LASP1: variants seen among roughly 807,000 people sequenced by gnomAD.
LASP1 encodes LIM and SH3 domain protein 1.
Under a neutral mutation model 38.6 loss-of-function variants are expected in LASP1, and 10 were observed. That is an observed-to-expected ratio of 0.26 (90% confidence interval 0.16 to 0.44). The LOEUF (loss-of-function observed/expected upper bound fraction) is 0.44. LASP1 is among the 20% of genes least tolerant of loss of function. LASP1 has a pLI of 1.00. For missense variants in LASP1, 243 were observed against 375.7 expected, an observed-to-expected ratio of 0.65 and a Z score of 2.92; for synonymous variants, 132 against 140.8, an observed-to-expected ratio of 0.94 and a Z score of 0.44.
chr17:38,919,297 T>G lies in LASP1; in HGVS notation c.*519T>G, dbSNP rs901048341. The G allele has an allele frequency of 7.1e-5, 17 of 240,914 alleles. No homozygotes were observed. Among genetic ancestry groups the G allele is most frequent in the Non-Finnish European group, 1.1e-4 (13 of 122,244 alleles). 14.9% of individuals were successfully genotyped at this position (240,914 alleles called of 1,614,324 possible). On this transcript the variant is annotated 3_prime_UTR_variant, in exon 7 of 7. Transcript: ENST00000318008. ...TACCTCTCTTTCTCAAAGAGGGGGCTCTGCCCACCTGGGGTCTCTCTCCCT... is the reference window on the plus strand; with the variant it reads ...TACCTCTCTTTCTCAAAGAGGGGGCGCTGCCCACCTGGGGTCTCTCTCCCT...
At chr17:38,871,370 G>A (rs1197960666) in intron 1 of LASP1, among the ~76,000 whole-genome samples, 7 of 151,880 alleles carry the variant, frequency 4.6e-5, no homozygotes, top group Admixed American at 1.3e-4. Context: ...CAGTCTGGAG[G>A]GGAGGCCTCT....
chr17:38,900,141 T>C (rs1914597797), intron 4 of LASP1, among the ~76,000 whole-genome samples: 1 of 144,656 alleles, frequency 6.9e-6, no homozygotes, highest in Non-Finnish European at 1.5e-5. Context: ...GGTGGGAGGA[T>C]TGCTTGAGCC....
Position 38,889,345 on chromosome 17 carries a change from T to C in LASP1, c.165-1075T>C, listed in dbSNP as rs148841235. 8.7e-4 allele frequency among the ~76,000 whole-genome samples: 133 copies of C among 152,290 alleles called. 1 individual carries two copies. In the East Asian group the frequency reaches 0.023, roughly 27 times the overall value. Reference sequence around the variant, plus strand: ...CGGGGTTTCAGCATATTGACCAGGCTAGTCTTGAACTCCTGACCTCGTGAT... The same window carrying C: ...CGGGGTTTCAGCATATTGACCAGGCCAGTCTTGAACTCCTGACCTCGTGAT... On this transcript the variant is annotated intron_variant, in intron 2 of 6. Coordinates refer to ENST00000318008, the MANE Select transcript of LASP1 (RefSeq NM_006148.4).
At chr17:38,876,339 C>T (rs957966989) in intron 1 of LASP1, among the ~76,000 whole-genome samples, 3 of 149,934 alleles carry the variant, frequency 2.0e-5, no homozygotes, top group South Asian at 2.1e-4. Flanking sequence ...CCACCATACC[C>T]GGCCTATTTA....
chr17:38,914,199 C>T (rs1186401563), intron 4 of LASP1, 126 bp from the exon 5 acceptor site: 6 of 1,136,848 alleles, frequency 5.3e-6, no homozygotes, highest in South Asian at 1.5e-5. Flanking sequence ...GCTTCCAGAG[C>T]GAGACCTGGC....
intron 2 of LASP1, among the ~76,000 whole-genome samples, chr17:38,888,037 G>A (rs1484904659): frequency 3.3e-5 from 5 of 152,272 alleles, no homozygotes; most frequent in Admixed American, 2.6e-4. Flanking sequence ...GCTGTGGTGG[G>A]CTGTGGTCAC....
chr17:38,882,085 G>C (rs764504979), intron 2 of LASP1, among the ~76,000 whole-genome samples: 1 of 152,166 alleles, frequency 6.6e-6, no homozygotes, highest in Non-Finnish European at 1.5e-5. Context: ...CACCCACGCC[G>C]GTGCTGGGGC....
chr17:38,878,757 C>A (rs146816467), intron 2 of LASP1, among the ~76,000 whole-genome samples: 18 of 152,142 alleles, frequency 1.2e-4, no homozygotes, highest in Non-Finnish European at 2.9e-5. Context: ...TGAGAATGGG[C>A]AGGGGTGCAT....
chr17:38,878,975 C>T (rs888461449), intron 2 of LASP1, among the ~76,000 whole-genome samples: 1 of 151,106 alleles, frequency 6.6e-6, no homozygotes, highest in Non-Finnish European at 1.5e-5. Context: ...CCCATCCCAT[C>T]CCATCCCATC....
chr17:38,912,772 G>A (rs1165192168), intron 4 of LASP1, among the ~76,000 whole-genome samples: 1 of 152,226 alleles, frequency 6.6e-6, no homozygotes, highest in East Asian at 1.9e-4. Flanking sequence ...ATGGGACTCA[G>A]CCTGAAGAAG....
intron 4 of LASP1, among the ~76,000 whole-genome samples, chr17:38,900,792 A>G (rs1914621551): frequency 6.6e-6 from 1 of 152,228 alleles, no homozygotes; most frequent in Non-Finnish European, 1.5e-5. Context: ...TTTGGCTAGC[A>G]GGGGATGCCT....
intron 6 of LASP1, among the ~76,000 whole-genome samples, chr17:38,917,912 G>A (rs1054578857): frequency 6.6e-6 from 1 of 152,158 alleles, no homozygotes; most frequent in African/African-American, 2.4e-5. Flanking sequence ...GCCGAGGCGA[G>A]CGGATCACTT....
intron 6 of LASP1, chr17:38,916,396 C>A (rs546678995): frequency 6.6e-6 from 1 of 150,886 alleles, no homozygotes; most frequent in African/African-American, 2.4e-5. Flanking sequence ...CCCCTGTCTA[C>A]CAAAAATACA....
chr17:38,896,877 G>A lies in LASP1; in HGVS notation c.250-1535G>A, dbSNP rs558926122. ...GAAGCCCCCTCCCCATATTATACCT[G>A]ATTTCTGTCACAACTCTTTTACAGA... On this transcript the variant is annotated intron_variant, in intron 3 of 6. Coordinates refer to ENST00000318008, the MANE Select transcript of LASP1 (RefSeq NM_006148.4). The A allele has an allele frequency of 3.1e-6, 3 of 983,064 alleles. No homozygotes were observed. The African/African-American group carries it at 5.2e-5, about 17-fold the overall frequency. The allele number at this position is 983,064 out of a possible 1,614,324, so 60.9% of individuals were successfully genotyped here.
At chr17:38,892,950 C>CGT (rs1370978043) in intron 3 of LASP1, among the ~76,000 whole-genome samples, 1 of 152,066 alleles carries the variant, frequency 6.6e-6, no homozygotes, top group South Asian at 2.1e-4. Context: ...AGAGCGTGTC[C>CGT]GTGTGTGTAT....
At position 38,918,869 on chromosome 17, in the gene LASP1, T is replaced by G. The variant is rs918867147; in HGVS notation, c.*91T>G. ...GTCCATTCTTCAGTGTCTCTGTTTT[T>G]TAAAACCTGCGACAGCTTGTGATTC... On this transcript the variant is annotated 3_prime_UTR_variant, in exon 7 of 7. Coordinates refer to ENST00000318008, the MANE Select transcript of LASP1 (RefSeq NM_006148.4). This position sits in a 1 kb window ranked among gnomAD's most constrained non-coding sequence, Gnocchi z 4.4. 2.8e-6 allele frequency: 4 copies of G among 1,422,946 alleles called. No individual in the cohort carries two copies. Among genetic ancestry groups the G allele is most frequent in the Non-Finnish European group, 3.8e-6 (4 of 1,040,128 alleles). The allele number at this position is 1,422,946 out of a possible 1,614,324, so 88.1% of individuals were successfully genotyped here. A position where few individuals can be genotyped will look rare whatever the true frequency, so the allele number is the denominator to read the frequency against.
intron 4 of LASP1, among the ~76,000 whole-genome samples, chr17:38,900,020 G>T (rs371467250): frequency 3.3e-5 from 5 of 151,590 alleles, no homozygotes; most frequent in East Asian, 3.9e-4. Flanking sequence ...GTGAGCCACC[G>T]CACCCGGCCA....
intron 4 of LASP1, among the ~76,000 whole-genome samples, chr17:38,901,347 C>T (rs964989682): frequency 1.5e-4 from 23 of 152,238 alleles, no homozygotes; most frequent in Admixed American, 1.4e-3. Context: ...ACCCTTCTCG[C>T]GGTGCTGCAG....
intron 1 of LASP1, among the ~76,000 whole-genome samples, chr17:38,874,496 G>A (rs1913702659): frequency 6.6e-6 from 1 of 152,186 alleles, no homozygotes; most frequent in Non-Finnish European, 1.5e-5. Context: ...AGGACACAGT[G>A]GAAGGAGCTG....
Sources: allele counts gnomAD v4.1 joint callset (sites outside exome capture counted in the v4.1 genomes callset), GRCh38; gene constraint gnomAD v4.1.1; non-coding constraint Gnocchi (gnomAD v3.1); transcripts MANE v1.5; gene names NCBI Gene and HGNC (gene_info 2026-07-23, HGNC 2026-07-21).